The following NCOA2 variants were observed in gnomAD, a reference collection of about 807,000 sequenced individuals.
The protein encoded by NCOA2 is nuclear receptor coactivator 2.
In NCOA2, 21 loss-of-function variants were observed where a neutral mutation model predicts 145.1. That is an observed-to-expected ratio of 0.14 (90% CI 0.10 to 0.21). The LOEUF (loss-of-function observed/expected upper bound fraction) is 0.21. NCOA2 is among the 10% of genes least tolerant of loss of function. The probability of loss-of-function intolerance (pLI) is 1.00; values close to 1 mark genes in which losing one functional copy is unlikely to be tolerated. For synonymous variants in NCOA2, 619 were observed against 637.5 expected (o/e 0.97, Z 0.44); for missense variants, 1,472 against 1,837.6 (o/e 0.80, Z 3.64).
intron 4 of NCOA2, among the ~76,000 whole-genome samples, chr8:70,180,799 T>C (rs1012485702): frequency 1.3e-5 from 2 of 152,208 alleles, no homozygotes; most frequent in Admixed American, 1.3e-4. Context: ...CTTGAACTCT[T>C]GGTCTTAAGC....
intron 1 of NCOA2, among the ~76,000 whole-genome samples, chr8:70,346,357 C>G (rs1169627979): frequency 6.6e-6 from 1 of 152,174 alleles, no homozygotes; most frequent in East Asian, 1.9e-4. Context: ...ACATTTATTA[C>G]TTCTCTTTTT....
the NCOA2 span, among the ~76,000 whole-genome samples, chr8:70,442,134 A>AGAAAGAAAGAAAGAAAGAAG: frequency 1.6e-3 from 205 of 125,470 alleles, no homozygotes; most frequent in African/African-American, 8.0e-3. Flanking sequence ...AAAGAAAGAA[A>AGAAAGAAAGAAAGAAAGAAG]GAAAGAAAGA....
At chr8:70,355,860 T>C (rs1243741940) in intron 1 of NCOA2, among the ~76,000 whole-genome samples, 1 of 152,216 alleles carries the variant, frequency 6.6e-6, no homozygotes, top group Non-Finnish European at 1.5e-5. Flanking sequence ...GAACTTAAAT[T>C]TGCCATCCTC....
intron 12 of NCOA2, among the ~76,000 whole-genome samples, chr8:70,147,295 G>C (rs1469804392): frequency 6.6e-6 from 1 of 152,086 alleles, no homozygotes; most frequent in African/African-American, 2.4e-5. Context: ...ACCACGCCCG[G>C]CCCAAACTCA....
rs182042144 is a variant in NCOA2, at chr8:70,124,786, A to G, written c.3996T>C (p.His1332=). Residue 1332 remains histidine, a synonymous_variant, in exon 20 of 23, where the codon CAT becomes CAC. Transcript: ENST00000452400. ...QSPLMSPRMA[H]TQSPMMQQSQ... The stretch of plus-strand genomic sequence containing the variant: ...ACTGTTGCATCATGGGACTCTGTGT[A>G]TGTGCCATTCGGGGTGACATAAGTG... The G allele has an allele frequency of 1.1e-3, 1,788 of 1,613,614 alleles. 14 individuals are homozygous for G. In the African/African-American group the frequency reaches 0.021, roughly 19 times the overall value.
chr8:70,174,698 T>C, intron 5 of NCOA2, 58 bp downstream of exon 5: 1 of 1,421,958 alleles, frequency 7.0e-7, no homozygotes, highest in Non-Finnish European at 9.9e-7. Context: ...AAATTAAATG[T>C]AATAATGTGA....
intron 2 of NCOA2, among the ~76,000 whole-genome samples, chr8:70,270,546 T>C (rs1824964599): frequency 6.6e-6 from 1 of 151,426 alleles, no homozygotes; most frequent in Admixed American, 6.6e-5. Flanking sequence ...AGACAGTGTG[T>C]GCTGTAGTCG....
intron 1 of NCOA2, among the ~76,000 whole-genome samples, chr8:70,344,622 ACT>A (rs1314510583): frequency 2.0e-5 from 3 of 152,078 alleles, no homozygotes; most frequent in Non-Finnish European, 2.9e-5. Flanking sequence ...GGAAAATGAG[ACT>A]CTATTCTGTG....
chr8:70,321,057 C>T (rs1460155102), intron 1 of NCOA2, among the ~76,000 whole-genome samples: 1 of 152,088 alleles, frequency 6.6e-6, no homozygotes. Flanking sequence ...GACAAGCTTC[C>T]CAAAATCAAA....
At chr8:70,316,955 G>A (rs975498822) in intron 1 of NCOA2, among the ~76,000 whole-genome samples, 27 of 152,126 alleles carry the variant, frequency 1.8e-4, no homozygotes, top group African/African-American at 6.0e-4. Flanking sequence ...ACACTGTTCG[G>A]AAGGTTGTAA....
chr8:70,248,312 C>T (rs1236396506), intron 2 of NCOA2, among the ~76,000 whole-genome samples: 1 of 152,190 alleles, frequency 6.6e-6, no homozygotes, highest in Non-Finnish European at 1.5e-5. Flanking sequence ...AATCCAGGCT[C>T]CTATCAAAAT....
intron 16 of NCOA2, among the ~76,000 whole-genome samples, chr8:70,129,677 C>T (rs1489153000): frequency 6.8e-6 from 1 of 147,476 alleles, no homozygotes; most frequent in Non-Finnish European, 1.5e-5. Flanking sequence ...TCACTCCTGA[C>T]TTTTTTTTTT....
Position 70,127,047 on chromosome 8 carries a change from C to G in NCOA2, c.3682G>C (p.Ala1228Pro). 1 of 1,604,208 alleles carries G rather than the reference C, an allele frequency of 6.2e-7. No individual in the cohort carries two copies. The highest frequency in any genetic ancestry group is 8.5e-7 in the Non-Finnish European group (1 of 1,174,362). ...GCCAGCATCTGTGCATTAATAGGTG[C>G]CTGAAATCCGGGGCAACACATGGAG... ...LTLRPGVPTQ[A>P]PINAQMLAQR... Residue 1228 changes from alanine (A) to proline (P), a missense_variant and splice_region_variant, in exon 19 of 23, where the codon GCA (alanine) becomes CCA (proline). Ala to Pro is a conservative substitution (Grantham distance 27, BLOSUM62 -1). Transcript: ENST00000452400.
At chr8:70,403,874 T>A, upstream of NCOA2, 1 of 382,212 alleles carries the variant, frequency 2.6e-6, no homozygotes, top group Non-Finnish European at 4.6e-6. Context: ...CTCCTCCTCC[T>A]CCTCCGCGTC....
chr8:70,182,179 C>G (rs746954852), intron 4 of NCOA2, among the ~76,000 whole-genome samples: 3 of 152,212 alleles, frequency 2.0e-5, no homozygotes, highest in Non-Finnish European at 2.9e-5. Context: ...AGTCTCCTGC[C>G]GTGCATATTA....
chr8:70,159,255 T>TTTTTTTTTTC (rs1209017347), intron 10 of NCOA2, among the ~76,000 whole-genome samples: 13 of 137,584 alleles, frequency 9.4e-5, no homozygotes, highest in African/African-American at 3.5e-4. Context: ...TTTTTTTTTT[T>TTTTTTTTTTC]CCCCCAAATA....
chr8:70,324,703 T>C (rs1331049264), intron 1 of NCOA2, among the ~76,000 whole-genome samples: 1 of 152,154 alleles, frequency 6.6e-6, no homozygotes, highest in Non-Finnish European at 1.5e-5. Context: ...AATAACCCTT[T>C]CTTACTCATT....
chr8:70,174,700 A>AATT, intron 5 of NCOA2, 56 bp downstream of exon 5: 1 of 1,432,864 alleles, frequency 7.0e-7, no homozygotes, highest in East Asian at 2.3e-5. Flanking sequence ...ATTAAATGTA[A>AATT]TAATGTGAAG....
intron 11 of NCOA2, among the ~76,000 whole-genome samples, chr8:70,149,721 G>C (rs912152230): frequency 6.6e-6 from 1 of 152,042 alleles, no homozygotes; most frequent in Non-Finnish European, 1.5e-5. Flanking sequence ...CTATCTATGT[G>C]CCAGATATTT....
Sources: allele counts gnomAD v4.1 joint callset (sites outside exome capture counted in the v4.1 genomes callset), GRCh38; gene constraint gnomAD v4.1.1; transcripts MANE v1.5; gene names NCBI Gene and HGNC (gene_info 2026-07-23, HGNC 2026-07-21).